The following MICAL3 variants were observed in gnomAD, a reference collection of about 807,000 sequenced individuals.
The protein encoded by MICAL3 is microtubule associated monooxygenase, calponin and LIM domain containing 3.
A neutral mutation model predicts 207.4 loss-of-function variants in MICAL3; 62 were observed. The ratio of observed to expected loss-of-function variants is 0.30; its 90% CI spans 0.24 to 0.37. The LOEUF (loss-of-function observed/expected upper bound fraction) is 0.37. Ranked by LOEUF, MICAL3 falls within the 10% of genes least tolerant of loss-of-function variation. The pLI, the probability that MICAL3 is intolerant of heterozygous loss-of-function variation, is 1.00. For synonymous variants in MICAL3, 1,077 were observed against 1,069.3 expected, an observed-to-expected ratio of 1.01 and a Z score of -0.14; for missense variants, 2,368 against 2,635.6, an observed-to-expected ratio of 0.90 and a Z score of 2.22.
At chr22:17,908,260 GTT>G (rs1395159461) in intron 1 of MICAL3, among the ~76,000 whole-genome samples, 1 of 152,144 alleles carries the variant, frequency 6.6e-6, no homozygotes, top group Admixed American at 6.5e-5. Context: ...CGAACCCTCA[GTT>G]TCCTTGTGTG....
At chr22:18,001,494 G>T (rs1012539510) in intron 1 of MICAL3, 1 of 152,258 alleles carries the variant, frequency 6.6e-6, no homozygotes, top group African/African-American at 2.4e-5. Flanking sequence ...GGTAGCAGCC[G>T]GAGAAGCGGC....
intron 1 of MICAL3, among the ~76,000 whole-genome samples, chr22:17,986,581 C>T (rs1467271334): frequency 6.6e-6 from 1 of 152,024 alleles, no homozygotes; most frequent in African/African-American, 2.4e-5. Flanking sequence ...TCTAAGTAGG[C>T]TGAAGGCAAA....
Position 17,904,693 on chromosome 22 carries a change from T to C in MICAL3, c.411A>G (p.Leu137=), listed in dbSNP as rs1435476517. The stretch of plus-strand genomic sequence containing the variant: ...AGAACTTCTTGGCACCCAGACCTCG[T>C]AGATCATGTATGGTGAATGGCCAGA... The part of the protein sequence containing the change: ...LHLWPFTIHD[L]RGLGAKKFYG... The change falls in exon 3 of 32, where the codon CTA becomes CTG. Residue 137 remains leucine, a synonymous_variant. Coordinates refer to ENST00000441493, the MANE Select transcript of MICAL3 (RefSeq NM_015241.3). The C allele has an allele frequency of 1.2e-6, 2 of 1,614,092 alleles. No homozygotes were observed. Among genetic ancestry groups the C allele is most frequent in the Non-Finnish European group, 8.5e-7 (1 of 1,179,970 alleles).
At chr22:17,992,401 T>A (rs2146465195) in intron 1 of MICAL3, among the ~76,000 whole-genome samples, 1 of 152,292 alleles carries the variant, frequency 6.6e-6, no homozygotes, top group Admixed American at 6.5e-5. Context: ...TTGGCATAAA[T>A]TTGCTTAGCA....
At position 18,021,723 on chromosome 22, in the gene MICAL3, G is replaced by A. The variant is rs552341639; in HGVS notation, c.-75+2558C>T. Among the ~76,000 whole-genome samples the A allele has an allele frequency of 4.7e-4, 71 of 152,298 alleles. 1 individual carries two copies. Among genetic ancestry groups the A allele is most frequent in the South Asian group, 1.5e-3 (7 of 4,824 alleles). On this transcript the variant is annotated intron_variant, in intron 1 of 31. Transcript: ENST00000441493. ...AGACAAGCAATCTGGTAGGCCATGT[G>A]GGAGACTGTGGCCATTCTATGGTAG...
intron 1 of MICAL3, among the ~76,000 whole-genome samples, chr22:18,018,038 G>A (rs1167031858): frequency 1.3e-5 from 2 of 149,532 alleles, no homozygotes; most frequent in South Asian, 2.1e-4. Flanking sequence ...GCATGCCACC[G>A]CGCCCGGCCG....
At chr22:17,852,508 G>A (rs1003507771) in intron 19 of MICAL3, among the ~76,000 whole-genome samples, 75 of 152,318 alleles carry the variant, frequency 4.9e-4, no homozygotes, top group African/African-American at 1.5e-3. Flanking sequence ...GTGCAGGAGC[G>A]CACAGCCCAG....
Position 17,827,679 on chromosome 22 carries a change from C to T in MICAL3, c.3158G>A (p.Arg1053Lys), listed in dbSNP as rs367921201. 6.3e-7 allele frequency: 1 copy of T among 1,582,378 alleles called. No homozygotes were observed. The change falls in exon 22 of 32, where the codon AGG becomes AAG. Residue 1053 changes from arginine (R) to lysine (K), a missense_variant. Physicochemically the swap from Arg to Lys is conservative, Grantham distance 26. Transcript: ENST00000441493. ...AGAGGACTCAGAGGCCGGCGCCATC[C>T]TCTCTTCCTCCTCTCTCTCACGGAT... ...THIREREEEE[R>K]MAPASESSAS... is the part of the protein sequence containing the mutation.
At chr22:17,877,712 G>C (rs1010834739) in intron 16 of MICAL3, among the ~76,000 whole-genome samples, 1 of 152,048 alleles carries the variant, frequency 6.6e-6, no homozygotes. Flanking sequence ...GGGAAAAAGA[G>C]AGAAACATCT....
chr22:17,819,409 C>G (rs1269188603), intron 25 of MICAL3, among the ~76,000 whole-genome samples: 1 of 152,174 alleles, frequency 6.6e-6, no homozygotes, highest in Non-Finnish European at 1.5e-5. Flanking sequence ...TGTCCACTCA[C>G]AGGAACACTG....
At chr22:17,820,965 A>C (rs2146017344) in intron 25 of MICAL3, among the ~76,000 whole-genome samples, 1 of 142,724 alleles carries the variant, frequency 7.0e-6, no homozygotes, top group East Asian at 2.0e-4. Context: ...AATTTTAATA[A>C]ATTTATATTT....
Position 17,948,912 on chromosome 22 carries a change from C to A in MICAL3, c.-74-42026G>T, listed in dbSNP as rs865791652. Among the ~76,000 whole-genome samples the A allele has an allele frequency of 1.6e-3, 173 of 106,616 alleles. 1 individual carries two copies. Among genetic ancestry groups the A allele is most frequent in the African/African-American group, 3.9e-3 (97 of 24,644 alleles). 69.9% of individuals were successfully genotyped at this position (106,616 alleles called of 152,430 possible). A position where few individuals can be genotyped will look rare whatever the true frequency, so the allele number is the denominator to read the frequency against. ...TGGGTGACAAAGTGAGATGCTGCCT[C>A]AAAAAAAAAAAAAATTGGCCAGCAC... On this transcript the variant is annotated intron_variant, in intron 1 of 31. Transcript: ENST00000441493.
In MICAL3 at chr22:17,834,416, G is replaced by A. The variant is rs1366233014; in HGVS notation, c.2802-2309C>T. ...CTGTAGGGAACACAAAGGTGACACA[G>A]AAAAGACTCTTATGCTCAGCTGGGC... is the stretch of plus-strand genomic sequence containing the variant. On this transcript the variant is annotated intron_variant, in intron 20 of 31. Coordinates refer to ENST00000441493, the MANE Select transcript of MICAL3 (RefSeq NM_015241.3). The A allele has an allele frequency of 9.3e-6, 12 of 1,285,492 alleles. No individual in the cohort carries two copies. The East Asian group carries it at 6.2e-4, about 67-fold the overall frequency. 79.6% of individuals were successfully genotyped at this position (1,285,492 alleles called of 1,614,324 possible).
At chr22:17,861,222 C>A in intron 19 of MICAL3, 1 of 985,432 alleles carries the variant, frequency 1.0e-6, no homozygotes, top group Non-Finnish European at 1.2e-6. Flanking sequence ...ACCCTTCTAG[C>A]TGGTGTGGGA....
At chr22:17,848,985 A>G (rs1924933716) in intron 19 of MICAL3, among the ~76,000 whole-genome samples, 1 of 152,236 alleles carries the variant, frequency 6.6e-6, no homozygotes, top group African/African-American at 2.4e-5. Flanking sequence ...CTGCTATGTC[A>G]GGGTGGTTTC....
rs765108214 is a variant in MICAL3 at position 17,790,915 on chromosome 22, A to T, written c.5826T>A (p.Asp1942Glu). ...ACAGCTCCTCCTCAGTCTTAAGGTG[A>T]TCTTGAAGGAGAAGAAGGCATGAGG... The part of the protein sequence containing the change: ...QELRERMAVE[D>E]HLKTEEELSE... Residue 1942 changes from aspartate (D) to glutamate (E), a missense_variant and splice_region_variant, in exon 32 of 32, where the codon GAT becomes GAA. This residue lies in a region of MICAL3 where 1,770 missense variants were observed against 1,863.2 expected (regional missense o/e 0.95). Transcript: ENST00000441493. 2.5e-6 allele frequency: 4 copies of T among 1,613,506 alleles called. No individual in the cohort carries two copies. In the South Asian group the frequency reaches 4.4e-5, roughly 18 times the overall value.
chr22:17,877,206 AT>A lies in MICAL3; in HGVS notation c.2242-5184del, dbSNP rs1159166763. Among the ~76,000 whole-genome samples the A allele has an allele frequency of 1.6e-3, 155 of 97,996 alleles. 3 individuals carry two copies. Among genetic ancestry groups the A allele is most frequent in the Middle Eastern group, 7.4e-3 (1 of 136 alleles). 64.3% of individuals were successfully genotyped at this position (97,996 alleles called of 152,430 possible). The stretch of plus-strand genomic sequence containing the variant: ...GGAAGTTATGGAGGTTAGGGAGGTT[AT>A]GGAGGTTATGGAGGTTAGGGAGGTT... On this transcript the variant is annotated intron_variant, in intron 16 of 31. Coordinates refer to ENST00000441493, the MANE Select transcript of MICAL3 (RefSeq NM_015241.3).
At chr22:17,977,260 A>G (rs1251721612) in intron 1 of MICAL3, among the ~76,000 whole-genome samples, 5 of 152,228 alleles carry the variant, frequency 3.3e-5, no homozygotes, top group African/African-American at 1.2e-4. Context: ...ACACACCTAC[A>G]GAATAGGGAA....
chr22:17,863,383 C>T (rs1263349474), intron 19 of MICAL3: 1 of 985,344 alleles, frequency 1.0e-6, no homozygotes, highest in South Asian at 4.7e-5. Context: ...ACTGAATGTA[C>T]ATTCTATAGC....
Sources: gnomAD v4.1 joint callset for allele counts (sites outside exome capture counted in the v4.1 genomes callset) on GRCh38, gnomAD v4.1.1 for gene constraint, gnomAD v4.1.1 regional missense constraint, MANE v1.5 for transcripts, NCBI Gene and HGNC (gene_info 2026-07-23, HGNC 2026-07-21) for gene names.